TBC1D5: variants seen among roughly 807,000 people sequenced by gnomAD.
TBC1D5 encodes TBC1 domain family member 5, also known as TBC1 domain family, member 5.
TBC1D5 carries 75 observed loss-of-function variants against 100.3 expected under a neutral mutation model. The ratio of observed to expected loss-of-function variants is 0.75; its 90% CI spans 0.62 to 0.91. The LOEUF (loss-of-function observed/expected upper bound fraction) is 0.91, where lower values mean the gene tolerates loss of function less well. Ranked by LOEUF, TBC1D5 falls within the 40% of genes least tolerant of loss-of-function variation. The pLI is 0.00. For synonymous variants in TBC1D5, 323 were observed against 325.6 expected (o/e 0.99, Z 0.09); for missense variants, 910 against 942.4 (o/e 0.97, Z 0.45).
At chr3:17,242,293 T>C (rs895549802) in intron 16 of TBC1D5, among the ~76,000 whole-genome samples, 1 of 152,184 alleles carries the variant, frequency 6.6e-6, no homozygotes, top group African/African-American at 2.4e-5. Context: ...GATCTAAATA[T>C]TTACAAAATT....
chr3:17,247,326 C>T (rs957598027), intron 16 of TBC1D5, among the ~76,000 whole-genome samples: 1 of 152,138 alleles, frequency 6.6e-6, no homozygotes, highest in Non-Finnish European at 1.5e-5. Flanking sequence ...GCAAGTATCA[C>T]AATAGTGAAT....
rs533779448 is a variant in TBC1D5 at position 17,634,432 on chromosome 3, G to A, written c.-100-10519C>T. The stretch of plus-strand genomic sequence containing the variant: ...GATCCTATCATCTGGAACAACATGG[G>A]TGGAACTGGAGGTCACTATGTTAAC... On this transcript the variant is annotated intron_variant, in intron 1 of 21. Transcript: ENST00000253692. Among the ~76,000 whole-genome samples, 4 of 152,236 alleles carry A rather than the reference G, an allele frequency of 2.6e-5. No individual in the cohort carries two copies. In the South Asian group the frequency reaches 6.2e-4, roughly 24 times the overall value.
intron 4 of TBC1D5, among the ~76,000 whole-genome samples, chr3:17,424,292 C>A (rs1483636969): frequency 6.6e-6 from 1 of 152,162 alleles, no homozygotes; most frequent in Non-Finnish European, 1.5e-5. Context: ...TATGTGCTGG[C>A]AAGGGGCTTG....
At chr3:17,403,048 A>C (rs17043565) in intron 8 of TBC1D5, 133 bp downstream of exon 8, 7 of 608,400 alleles carry the variant, frequency 1.2e-5, no homozygotes, top group South Asian at 3.4e-5. Flanking sequence ...ATTTGTCAAA[A>C]CAAGTTTGTT....
intron 16 of TBC1D5, among the ~76,000 whole-genome samples, chr3:17,257,384 TCA>T (rs1158780947): frequency 3.9e-5 from 6 of 152,204 alleles, no homozygotes; most frequent in Non-Finnish European, 8.8e-5. Flanking sequence ...TTTAAAATAA[TCA>T]ATCTGGCAGT....
chr3:17,192,613 T>G (rs937236838), intron 18 of TBC1D5, among the ~76,000 whole-genome samples: 4 of 152,234 alleles, frequency 2.6e-5, no homozygotes, highest in South Asian at 2.1e-4. Flanking sequence ...AAGTTAAATG[T>G]AAATGGAAAT....
At chr3:17,630,133 G>T (rs966295052) in intron 1 of TBC1D5, among the ~76,000 whole-genome samples, 3 of 152,144 alleles carry the variant, frequency 2.0e-5, no homozygotes, top group Non-Finnish European at 4.4e-5. Flanking sequence ...CTTAAGAGGA[G>T]GAAGTTCTCA....
At chr3:17,247,608 A>C (rs2076844000) in intron 16 of TBC1D5, among the ~76,000 whole-genome samples, 1 of 152,148 alleles carries the variant, frequency 6.6e-6, no homozygotes, top group Admixed American at 6.5e-5. Context: ...TCTTAAAATA[A>C]GACAACAATG....
intron 1 of TBC1D5, among the ~76,000 whole-genome samples, chr3:17,667,843 AC>A (rs901177459): frequency 1.3e-5 from 2 of 152,004 alleles, no homozygotes; most frequent in African/African-American, 4.8e-5. Context: ...TTGTGGAAGA[AC>A]CCTCTAACAA....
intron 18 of TBC1D5, among the ~76,000 whole-genome samples, chr3:17,207,030 G>A (rs1381697142): frequency 6.6e-6 from 1 of 152,122 alleles, no homozygotes; most frequent in African/African-American, 2.4e-5. Context: ...GAACTCCTGG[G>A]CTCAAGTGAT....
intron 18 of TBC1D5, among the ~76,000 whole-genome samples, chr3:17,210,683 T>C (rs2072874768): frequency 1.3e-5 from 2 of 152,350 alleles, no homozygotes; most frequent in South Asian, 2.1e-4. Flanking sequence ...TTTTTTCTTG[T>C]GTGGGTCAGT....
chr3:17,559,296 C>T (rs1196411817), intron 2 of TBC1D5, among the ~76,000 whole-genome samples: 2 of 150,864 alleles, frequency 1.3e-5, no homozygotes, highest in Admixed American at 6.6e-5. Flanking sequence ...ATGGCCACCA[C>T]ACCCAGCTAA....
intron 4 of TBC1D5, among the ~76,000 whole-genome samples, chr3:17,414,557 T>C (rs2094015902): frequency 6.6e-6 from 1 of 152,136 alleles, no homozygotes; most frequent in Non-Finnish European, 1.5e-5. Flanking sequence ...TAACTTAAAA[T>C]CAATGGAAAT....
At chr3:17,185,168 T>C in exon 19 of TBC1D5, 2 of 1,613,692 alleles carry the variant, frequency 1.2e-6, no homozygotes, top group Non-Finnish European at 1.7e-6. Flanking sequence ...GTCATTCAAC[T>C]GCCCTTGAAG....
intron 17 of TBC1D5, among the ~76,000 whole-genome samples, chr3:17,216,433 C>T (rs566135890): frequency 6.6e-6 from 1 of 152,092 alleles, no homozygotes; most frequent in African/African-American, 2.4e-5. Context: ...TCTGATTCCT[C>T]CTCTTTTCCT....
In TBC1D5 at chr3:17,599,776, G is replaced by A. The variant is rs571626641; in HGVS notation, c.-36+24073C>T. Among the ~76,000 whole-genome samples the A allele has an allele frequency of 2.0e-5, 3 of 152,294 alleles. No individual in the cohort carries two copies. In the South Asian group the frequency reaches 6.2e-4, roughly 32 times the overall value. On this transcript the variant is annotated intron_variant, in intron 2 of 21. Coordinates refer to ENST00000253692, the Ensembl canonical transcript of TBC1D5. Reference sequence around the variant, plus strand: ...ATGCTCCCCCTCCTGCAAGGGGTCTGAGCAAGGTGGCGGCCAAGTAAGCAA... The same window carrying A: ...ATGCTCCCCCTCCTGCAAGGGGTCTAAGCAAGGTGGCGGCCAAGTAAGCAA...
chr3:17,168,837 C>T (rs1559340501), intron 19 of TBC1D5, among the ~76,000 whole-genome samples: 1 of 152,132 alleles, frequency 6.6e-6, no homozygotes, highest in Non-Finnish European at 1.5e-5. Context: ...CATTCTTAGT[C>T]ACTCACTTAA....
intron 17 of TBC1D5, among the ~76,000 whole-genome samples, chr3:17,229,770 C>A (rs778037555): frequency 6.6e-6 from 1 of 152,098 alleles, no homozygotes; most frequent in Non-Finnish European, 1.5e-5. Context: ...CTCCAGAGCC[C>A]GTGCTAGACA....
intron 2 of TBC1D5, among the ~76,000 whole-genome samples, chr3:17,620,998 T>C (rs1249404899): frequency 6.6e-6 from 1 of 152,216 alleles, no homozygotes; most frequent in African/African-American, 2.4e-5. Context: ...TTGTTTCTTA[T>C]ATGATTAACC....
Sources: gnomAD v4.1 joint callset for allele counts (sites outside exome capture counted in the v4.1 genomes callset) on GRCh38, gnomAD v4.1.1 for gene constraint, MANE v1.5 for transcripts, NCBI Gene and HGNC (gene_info 2026-07-23, HGNC 2026-07-21) for gene names.